GPC5: variants seen among roughly 807,000 people sequenced by gnomAD.
GPC5 encodes glypican 5.
A neutral mutation model predicts 53.9 loss-of-function variants in GPC5; 47 were observed. That is an observed-to-expected ratio of 0.87 (90% CI 0.69 to 1.11). The LOEUF (loss-of-function observed/expected upper bound fraction) is 1.11, where lower values mean the gene tolerates loss of function less well. Ranked by LOEUF, GPC5 falls within the 50% of genes most tolerant of loss-of-function variation. GPC5 has a pLI of 0.00. For missense variants in GPC5, 748 were observed against 713.1 expected (o/e 1.05, Z -0.56); for synonymous variants, 286 against 263.3 (o/e 1.09, Z -0.84).
intron 2 of GPC5, among the ~76,000 whole-genome samples, chr13:91,478,816 T>TAC (rs1353246332): frequency 2.5e-5 from 3 of 118,664 alleles, no homozygotes; most frequent in African/African-American, 3.7e-5. Flanking sequence ...TATATATATA[T>TAC]ATATATACAC....
chr13:92,731,358 G>A (rs1316062562), intron 7 of GPC5, among the ~76,000 whole-genome samples: 1 of 151,460 alleles, frequency 6.6e-6, no homozygotes. Context: ...AGTGGTGACT[G>A]TGGAAAGTTA....
At chr13:92,865,582 G>A (rs551110164) in intron 7 of GPC5, among the ~76,000 whole-genome samples, 3 of 152,062 alleles carry the variant, frequency 2.0e-5, no homozygotes, top group Admixed American at 6.6e-5. Context: ...AGACCATTGC[G>A]CAGCATGGTA....
chr13:92,852,228 G>C (rs774921734), intron 7 of GPC5, among the ~76,000 whole-genome samples: 1 of 152,134 alleles, frequency 6.6e-6, no homozygotes, highest in Non-Finnish European at 1.5e-5. Context: ...CACTCACAAA[G>C]AGGGGAACGT....
At chr13:91,819,869 G>A (rs1354429182) in intron 5 of GPC5, among the ~76,000 whole-genome samples, 1 of 152,120 alleles carries the variant, frequency 6.6e-6, no homozygotes, top group East Asian at 1.9e-4. Context: ...CATGATATGA[G>A]ATGACATCTC....
At chr13:92,119,641 C>T (rs1304959548) in intron 6 of GPC5, among the ~76,000 whole-genome samples, 7 of 133,528 alleles carry the variant, frequency 5.2e-5, no homozygotes, top group African/African-American at 8.5e-5. Context: ...AGGATGGTCT[C>T]GATCTCCTGA....
intron 7 of GPC5, among the ~76,000 whole-genome samples, chr13:92,495,540 T>C (rs1222499866): frequency 6.6e-6 from 1 of 152,092 alleles, no homozygotes; most frequent in Non-Finnish European, 1.5e-5. Flanking sequence ...TTCCTCAGAC[T>C]GGGGAGTTCA....
chr13:91,716,243 G>T (rs1435508896), intron 3 of GPC5, among the ~76,000 whole-genome samples: 1 of 152,098 alleles, frequency 6.6e-6, no homozygotes, highest in Non-Finnish European at 1.5e-5. Context: ...GTTCTTAAGT[G>T]TAGTTGTTTT....
At chr13:91,936,356 G>C (rs1229170463) in intron 6 of GPC5, among the ~76,000 whole-genome samples, 1 of 151,924 alleles carries the variant, frequency 6.6e-6, no homozygotes, top group African/African-American at 2.4e-5. Flanking sequence ...GGTTTTAGTA[G>C]GATTTGCTTG....
chr13:91,874,943 C>A (rs1282885427), intron 5 of GPC5, among the ~76,000 whole-genome samples: 1 of 151,962 alleles, frequency 6.6e-6, no homozygotes, highest in Admixed American at 6.6e-5. Context: ...GAGTGTATGC[C>A]CCTTTGACTT....
intron 3 of GPC5, among the ~76,000 whole-genome samples, chr13:91,709,063 C>T (rs1374901176): frequency 6.6e-6 from 1 of 152,112 alleles, no homozygotes; most frequent in Non-Finnish European, 1.5e-5. Context: ...AGAGGATAAT[C>T]TCAAACATTC....
intron 5 of GPC5, among the ~76,000 whole-genome samples, chr13:91,809,675 A>G (rs1051170244): frequency 1.3e-5 from 2 of 152,066 alleles, no homozygotes; most frequent in African/African-American, 4.8e-5. Flanking sequence ...TTTCCCACAC[A>G]TAAAACTCCC....
chr13:91,531,146 CA>C (rs763511872), intron 2 of GPC5, among the ~76,000 whole-genome samples: 16 of 152,208 alleles, frequency 1.1e-4, no homozygotes, highest in Non-Finnish European at 1.9e-4. Context: ...GTAAGCTTCA[CA>C]ATACCTTTGA....
chr13:91,811,381 T>C (rs1488848608), intron 5 of GPC5, among the ~76,000 whole-genome samples: 1 of 152,098 alleles, frequency 6.6e-6, no homozygotes, highest in East Asian at 1.9e-4. Flanking sequence ...TATAAAATAT[T>C]CTTAAATGGA....
chr13:91,430,245 C>CATG (rs1367307698), intron 1 of GPC5, among the ~76,000 whole-genome samples: 1 of 152,066 alleles, frequency 6.6e-6, no homozygotes, highest in East Asian at 1.9e-4. Context: ...AAGGAGATGC[C>CATG]ATGAGATTTA....
At chr13:91,910,850 TTTATG>T (rs1484398850) in intron 6 of GPC5, among the ~76,000 whole-genome samples, 1 of 152,192 alleles carries the variant, frequency 6.6e-6, no homozygotes, top group Non-Finnish European at 1.5e-5. Flanking sequence ...TCTCATGGGC[TTTATG>T]TTATAAGAAA....
chr13:92,529,806 G>A (rs1288131100), intron 7 of GPC5, among the ~76,000 whole-genome samples: 1 of 152,142 alleles, frequency 6.6e-6, no homozygotes, highest in East Asian at 1.9e-4. Flanking sequence ...AATATGGCTG[G>A]GCATGATGGC....
At chr13:92,138,412 C>G (rs1187368866) in intron 6 of GPC5, among the ~76,000 whole-genome samples, 1 of 151,826 alleles carries the variant, frequency 6.6e-6, no homozygotes, top group Non-Finnish European at 1.5e-5. Context: ...CCCAGCTACT[C>G]GGTAGGCTGA....
chr13:92,814,207 A>C (rs1877386892), intron 7 of GPC5, among the ~76,000 whole-genome samples: 1 of 152,014 alleles, frequency 6.6e-6, no homozygotes, highest in African/African-American at 2.4e-5. Flanking sequence ...TATGGGCAAA[A>C]ATTAACTCAA....
At chr13:91,656,476 G>A (rs1285799656) in intron 2 of GPC5, among the ~76,000 whole-genome samples, 1 of 152,176 alleles carries the variant, frequency 6.6e-6, no homozygotes, top group Non-Finnish European at 1.5e-5. Context: ...CAGCGTACTA[G>A]AGTAGGAGAA....
Sources: allele counts gnomAD v4.1 joint callset (sites outside exome capture counted in the v4.1 genomes callset), GRCh38; gene constraint gnomAD v4.1.1; transcripts MANE v1.5; gene names NCBI Gene and HGNC (gene_info 2026-07-23, HGNC 2026-07-21).